The following ADD3 variants were observed in gnomAD, a reference collection of about 807,000 sequenced individuals.
The protein encoded by ADD3 is adducin 3.
ADD3 carries 25 observed loss-of-function variants against 80.2 expected under a neutral mutation model. The ratio of observed to expected loss-of-function variants is 0.31; its 90% CI spans 0.23 to 0.44. The LOEUF is 0.44. Ranked by LOEUF, ADD3 falls within the 20% of genes least tolerant of loss-of-function variation. The probability of loss-of-function intolerance (pLI) is 1.00; values close to 1 mark genes in which losing one functional copy is unlikely to be tolerated. For synonymous variants in ADD3, 284 were observed against 289.6 expected (o/e 0.98, Z 0.20); for missense variants, 829 against 847.5 (o/e 0.98, Z 0.27).
intron 1 of ADD3, among the ~76,000 whole-genome samples, chr10:110,091,636 C>A (rs2133869772): frequency 6.6e-6 from 1 of 152,224 alleles, no homozygotes; most frequent in East Asian, 1.9e-4. Context: ...AAATTCAACT[C>A]AAGATGGATC....
intron 1 of ADD3, among the ~76,000 whole-genome samples, chr10:110,074,670 ATAAC>A (rs1370053459): frequency 1.3e-5 from 2 of 152,150 alleles, no homozygotes; most frequent in Admixed American, 6.5e-5. Context: ...TTTCATAACA[ATAAC>A]TAATCGCAAG....
At chr10:110,046,217 T>A (rs1372004888) in intron 1 of ADD3, among the ~76,000 whole-genome samples, 2 of 152,222 alleles carry the variant, frequency 1.3e-5, no homozygotes, top group East Asian at 3.8e-4. Context: ...ATTTATGGTA[T>A]CAATAAATAC....
In ADD3 at chr10:110,135,322, A is replaced by C. The variant is rs1468122881; in HGVS notation, c.*1704A>C. 6.6e-6 allele frequency: 1 copy of C among 152,624 alleles called. No homozygotes were observed. The highest frequency in any genetic ancestry group is 2.4e-5 in the African/African-American group (1 of 41,436). The allele number at this position is 152,624 out of a possible 1,614,324, so 9.5% of individuals were successfully genotyped here. Reference sequence around the variant, plus strand: ...ATGTAGAAATAGTAACCTGTGAACTATGCTTTTCCATAACTTTTTAAAAAT... The same window carrying C: ...ATGTAGAAATAGTAACCTGTGAACTCTGCTTTTCCATAACTTTTTAAAAAT... On this transcript the variant is annotated 3_prime_UTR_variant, in exon 15 of 15. Transcript: ENST00000356080.
intron 1 of ADD3, among the ~76,000 whole-genome samples, chr10:110,085,542 G>C (rs1846620259): frequency 6.6e-6 from 1 of 152,152 alleles, no homozygotes. Flanking sequence ...TTTTGGCAAA[G>C]GGTGGTAATT....
Position 110,133,481 on chromosome 10 carries a change from A to G in ADD3, c.1984A>G (p.Ile662Val), listed in dbSNP as rs1405293116. 2.5e-6 allele frequency: 4 copies of G among 1,613,906 alleles called. No individual in the cohort carries two copies. The South Asian group carries it at 3.3e-5, about 13-fold the overall frequency. The change falls in exon 15 of 15, where the codon ATT becomes GTT. Residue 662 changes from isoleucine (I) to valine (V), a missense_variant. Physicochemically the swap from Ile to Val is conservative, Grantham distance 29. Coordinates refer to ENST00000356080, the MANE Select transcript of ADD3 (RefSeq NM_016824.5). ...STTIENIEITIKSPEKIEEVL... is the reference protein window; with the variant it reads ...STTIENIEITVKSPEKIEEVL... Reference sequence around the variant, plus strand: ...AACCATAGAAAACATCGAGATTACTATTAAGTCTCCAGAGAAAATCGAAGA... The same window carrying G: ...AACCATAGAAAACATCGAGATTACTGTTAAGTCTCCAGAGAAAATCGAAGA...
intron 1 of ADD3, among the ~76,000 whole-genome samples, chr10:110,046,560 T>C (rs1856934781): frequency 6.6e-6 from 1 of 152,138 alleles, no homozygotes; most frequent in South Asian, 2.1e-4. Flanking sequence ...GTGAAATTTT[T>C]ATAGAATGTA....
At chr10:110,018,818 G>T (rs1853307262) in intron 1 of ADD3, among the ~76,000 whole-genome samples, 1 of 152,146 alleles carries the variant, frequency 6.6e-6, no homozygotes, top group Non-Finnish European at 1.5e-5. Flanking sequence ...AAATACATTA[G>T]AATATGGCAG....
chr10:110,055,414 G>A (rs560451395), intron 1 of ADD3, among the ~76,000 whole-genome samples: 17 of 152,276 alleles, frequency 1.1e-4, no homozygotes, highest in African/African-American at 3.9e-4. Context: ...ACTGAGTTCA[G>A]TGTTCCATAT....
intron 1 of ADD3, among the ~76,000 whole-genome samples, chr10:110,089,709 A>G (rs1847232181): frequency 6.6e-6 from 1 of 151,410 alleles, no homozygotes; most frequent in South Asian, 2.1e-4. Flanking sequence ...ACATATGTAT[A>G]TATGATATAT....
intron 1 of ADD3, among the ~76,000 whole-genome samples, chr10:110,036,514 G>A (rs1855676299): frequency 6.6e-6 from 1 of 151,716 alleles, no homozygotes; most frequent in Non-Finnish European, 1.5e-5. Context: ...CAAGTAGCTG[G>A]GACTATAGGC....
At chr10:110,092,540 T>A (rs1847661557) in intron 1 of ADD3, among the ~76,000 whole-genome samples, 1 of 151,916 alleles carries the variant, frequency 6.6e-6, no homozygotes, top group Admixed American at 6.6e-5. Flanking sequence ...GACACAAAGG[T>A]GGGAACAATA....
intron 1 of ADD3, among the ~76,000 whole-genome samples, chr10:110,061,562 A>G (rs938144537): frequency 6.6e-6 from 1 of 152,206 alleles, no homozygotes; most frequent in African/African-American, 2.4e-5. Flanking sequence ...GCTGAAATAG[A>G]TGAAATTCAG....
At chr10:110,082,320 C>A (rs992731930) in intron 1 of ADD3, among the ~76,000 whole-genome samples, 3 of 151,886 alleles carry the variant, frequency 2.0e-5, no homozygotes, top group Non-Finnish European at 4.4e-5. Flanking sequence ...TTAAAAAGAT[C>A]AGAAAAAAAA....
intron 1 of ADD3, among the ~76,000 whole-genome samples, chr10:110,010,739 C>G (rs1483485652): frequency 6.6e-6 from 1 of 152,172 alleles, no homozygotes; most frequent in Non-Finnish European, 1.5e-5. Flanking sequence ...AAGTATCTTC[C>G]CAAGGTGACA....
chr10:109,999,252 T>C (rs1306997336), intron 1 of ADD3, among the ~76,000 whole-genome samples: 2 of 152,180 alleles, frequency 1.3e-5, no homozygotes, highest in Non-Finnish European at 2.9e-5. Context: ...CAACACACTT[T>C]ATATTTTGCT....
chr10:110,081,362 A>T (rs563455400), intron 1 of ADD3, among the ~76,000 whole-genome samples: 3 of 152,320 alleles, frequency 2.0e-5, no homozygotes, highest in African/African-American at 7.2e-5. Context: ...TCTTGCTTAG[A>T]ATCCTCTAAA....
intron 1 of ADD3, among the ~76,000 whole-genome samples, chr10:110,096,527 G>C (rs1208992490): frequency 6.6e-6 from 1 of 152,156 alleles, no homozygotes; most frequent in Non-Finnish European, 1.5e-5. Context: ...TCATGATTCT[G>C]TATGTTGACT....
At chr10:110,098,577 T>C (rs1848439962) in intron 1 of ADD3, among the ~76,000 whole-genome samples, 1 of 152,178 alleles carries the variant, frequency 6.6e-6, no homozygotes, top group South Asian at 2.1e-4. Context: ...CTGGCTAAAG[T>C]TCTTTTAACA....
intron 1 of ADD3, among the ~76,000 whole-genome samples, chr10:110,025,156 A>G (rs1204875320): frequency 6.6e-6 from 1 of 152,034 alleles, no homozygotes; most frequent in East Asian, 1.9e-4. Context: ...TCGGCCTCCC[A>G]AAGTGCTGGG....
Sources: gnomAD v4.1 joint callset for allele counts (sites outside exome capture counted in the v4.1 genomes callset) on GRCh38, gnomAD v4.1.1 for gene constraint, MANE v1.5 for transcripts, NCBI Gene and HGNC (gene_info 2026-07-23, HGNC 2026-07-21) for gene names.